The following COL5A2 variants were observed in gnomAD, a reference collection of about 807,000 sequenced individuals.
The protein encoded by COL5A2 is collagen type V alpha 2 chain.
A neutral mutation model predicts 208.2 loss-of-function variants in COL5A2; 23 were observed. The ratio of observed to expected loss-of-function variants is 0.11; its 90% CI spans 0.08 to 0.16. The LOEUF (loss-of-function observed/expected upper bound fraction) is 0.16, where lower values mean the gene tolerates loss of function less well. COL5A2 is among the 10% of genes least tolerant of loss of function. COL5A2 has a pLI of 1.00. For missense variants in COL5A2, 1,590 were observed against 1,956.4 expected (o/e 0.81, Z 3.53); for synonymous variants, 625 against 628.5 (o/e 0.99, Z 0.08).
intron 1 of COL5A2, among the ~76,000 whole-genome samples, chr2:189,219,191 C>T (rs1240058020): frequency 1.3e-5 from 2 of 152,094 alleles, no homozygotes; most frequent in Non-Finnish European, 2.9e-5. Context: ...ATTTAAATTG[C>T]TCTTGGTTAT....
intron 1 of COL5A2, among the ~76,000 whole-genome samples, chr2:189,216,407 A>T (rs1177928197): frequency 6.6e-6 from 1 of 152,032 alleles, no homozygotes; most frequent in African/African-American, 2.4e-5. Flanking sequence ...TAACTCATTC[A>T]TTCAATATTC....
chr2:189,279,080 T>C, the COL5A2 span, among the ~76,000 whole-genome samples: 2 of 151,940 alleles, frequency 1.3e-5, no homozygotes, highest in Non-Finnish European at 2.9e-5. Context: ...ATCCTTAAAT[T>C]AAATGCACTA....
the COL5A2 span, among the ~76,000 whole-genome samples, chr2:189,280,999 C>A: frequency 6.6e-6 from 1 of 151,754 alleles, no homozygotes; most frequent in Non-Finnish European, 1.5e-5. Context: ...ATAACTTTTG[C>A]ACCAATCTAA....
At chr2:189,263,638 C>T in the COL5A2 span, among the ~76,000 whole-genome samples, 2 of 152,138 alleles carry the variant, frequency 1.3e-5, no homozygotes, top group Non-Finnish European at 2.9e-5. Context: ...CTGCAACCTC[C>T]ATTTATGGTA....
the COL5A2 span, among the ~76,000 whole-genome samples, chr2:189,251,912 A>G: frequency 6.6e-6 from 1 of 152,142 alleles, no homozygotes; most frequent in South Asian, 2.1e-4. Context: ...ACAAATTTAC[A>G]AGAAAAAAAA....
chr2:189,046,920 GA>G (rs1685681584), intron 45 of COL5A2, among the ~76,000 whole-genome samples: 1 of 151,890 alleles, frequency 6.6e-6, no homozygotes, highest in African/African-American at 2.4e-5. Flanking sequence ...TCAAGAGATC[GA>G]GACCATCCTG....
At chr2:189,248,289 A>G in the COL5A2 span, among the ~76,000 whole-genome samples, 1 of 152,208 alleles carries the variant, frequency 6.6e-6, no homozygotes, top group African/African-American at 2.4e-5. Context: ...TCCCTTATCT[A>G]CAGTTATTTC....
At chr2:189,276,906 T>C in the COL5A2 span, among the ~76,000 whole-genome samples, 1 of 152,136 alleles carries the variant, frequency 6.6e-6, no homozygotes, top group Non-Finnish European at 1.5e-5. Context: ...AATAAGATCT[T>C]AATTTATTAG....
intron 1 of COL5A2, among the ~76,000 whole-genome samples, chr2:189,155,039 G>C (rs1688217823): frequency 6.6e-6 from 1 of 152,096 alleles, no homozygotes; most frequent in African/African-American, 2.4e-5. Flanking sequence ...GAGTGCAGTG[G>C]CACAATCAGA....
At chr2:189,385,454 T>G in the COL5A2 span, among the ~76,000 whole-genome samples, 1 of 152,004 alleles carries the variant, frequency 6.6e-6, no homozygotes, top group Non-Finnish European at 1.5e-5. Flanking sequence ...TACAAAACAC[T>G]GCTGAAAGAA....
chr2:189,232,574 C>T, the COL5A2 span, among the ~76,000 whole-genome samples: 1 of 151,672 alleles, frequency 6.6e-6, no homozygotes, highest in African/African-American at 2.4e-5. Context: ...TATGTTTCTC[C>T]AGAACAATAT....
chr2:189,173,338 T>C (rs145487221), intron 1 of COL5A2, among the ~76,000 whole-genome samples: 15 of 152,250 alleles, frequency 9.9e-5, no homozygotes, highest in African/African-American at 3.6e-4. Context: ...ATTTCCCTTA[T>C]ACATTGTTTC....
the COL5A2 span, among the ~76,000 whole-genome samples, chr2:189,380,720 A>G: frequency 6.6e-6 from 1 of 151,926 alleles, no homozygotes; most frequent in African/African-American, 2.4e-5. Context: ...ATACAGGGGC[A>G]AAAAAATTAA....
At chr2:189,334,545 T>G in the COL5A2 span, among the ~76,000 whole-genome samples, 3,656 of 152,068 alleles carry the variant, frequency 0.024, 160 homozygotes, top group African/African-American at 0.084. Flanking sequence ...TTTCAAGATC[T>G]TTATTAAAAA....
intron 1 of COL5A2, among the ~76,000 whole-genome samples, chr2:189,220,173 A>T (rs1440293468): frequency 6.6e-6 from 1 of 152,170 alleles, no homozygotes; most frequent in East Asian, 1.9e-4. Context: ...ACACCTGGAC[A>T]ACAAGACTTT....
chr2:189,347,701 C>A, the COL5A2 span, among the ~76,000 whole-genome samples: 2 of 152,148 alleles, frequency 1.3e-5, no homozygotes, highest in African/African-American at 2.4e-5. Context: ...TCCTGCCAAA[C>A]CACTGGCCTT....
chr2:189,369,910 C>T, the COL5A2 span, among the ~76,000 whole-genome samples: 15 of 152,270 alleles, frequency 9.9e-5, no homozygotes, highest in Admixed American at 7.9e-4. Context: ...GATTAAAGAC[C>T]ATAAACCTCA....
chr2:189,132,192 G>A (rs1687729307), intron 1 of COL5A2, among the ~76,000 whole-genome samples: 1 of 152,178 alleles, frequency 6.6e-6, no homozygotes, highest in Admixed American at 6.5e-5. Flanking sequence ...TTTATGATAC[G>A]TAATCATGGT....
intron 18 of COL5A2, 92 bp from the exon 19 acceptor site, chr2:189,068,976 A>C: frequency 1.1e-6 from 1 of 900,808 alleles, no homozygotes; most frequent in African/African-American, 1.6e-5. Flanking sequence ...TTACATTTGA[A>C]ACCCAAATAC....
Sources: allele counts gnomAD v4.1 joint callset (sites outside exome capture counted in the v4.1 genomes callset), GRCh38; gene constraint gnomAD v4.1.1; transcripts MANE v1.5; gene names NCBI Gene and HGNC (gene_info 2026-07-23, HGNC 2026-07-21).